The following COL4A4 variants were observed in gnomAD, a reference collection of about 807,000 sequenced individuals.
COL4A4 encodes collagen type IV alpha 4 chain, also known as collagen alpha-4(IV) chain.
Under a neutral mutation model 192.9 loss-of-function variants are expected in COL4A4, and 105 were observed. That is an observed-to-expected ratio of 0.54 (90% CI 0.46 to 0.64). The LOEUF is 0.64. Among genes scored for constraint, COL4A4 ranks in the 30% least tolerant of loss-of-function variants. The pLI, the probability that COL4A4 is intolerant of heterozygous loss-of-function variation, is 0.00. For synonymous variants in COL4A4, 762 were observed against 769.9 expected, an observed-to-expected ratio of 0.99 and a Z score of 0.17; for missense variants, 1,967 against 2,169.3, an observed-to-expected ratio of 0.91 and a Z score of 1.85.
intron 4 of COL4A4, among the ~76,000 whole-genome samples, chr2:227,129,954 T>G (rs1662141598): frequency 6.6e-6 from 1 of 152,190 alleles, no homozygotes; most frequent in Admixed American, 6.5e-5. Flanking sequence ...CCCTCCTTTT[T>G]AAGGCTTGAT....
chr2:227,112,823 A>G (rs1237747565), intron 8 of COL4A4, among the ~76,000 whole-genome samples: 1 of 152,158 alleles, frequency 6.6e-6, no homozygotes, highest in Non-Finnish European at 1.5e-5. Flanking sequence ...ATGATATTTG[A>G]CTGGTTTATT....
At chr2:227,022,305 T>C in intron 43 of COL4A4, 132 bp from the exon 44 acceptor site, 2 of 1,180,944 alleles carry the variant, frequency 1.7e-6, no homozygotes, top group Non-Finnish European at 2.5e-6. Flanking sequence ...AAATTCAGTA[T>C]AAATGTTTGT....
At position 227,056,044 on chromosome 2, in the gene COL4A4, C is replaced by T. The variant is rs929684384; in HGVS notation, c.2617G>A (p.Gly873Arg). The T allele has an allele frequency of 3.7e-6, 6 of 1,613,810 alleles. No individual in the cohort carries two copies. The highest frequency in any genetic ancestry group is 5.1e-6 in the Non-Finnish European group (6 of 1,179,956). Residue 873 changes from glycine to arginine, a missense_variant, in exon 30 of 48, where the codon GGA (glycine) becomes AGA (arginine). Coordinates refer to ENST00000396625, the MANE Select transcript of COL4A4 (RefSeq NM_000092.5). The part of the protein sequence containing the change: ...PGPAGMKGLP[G>R]LPGRPGAHGP... ...TGTGCCCCAGGCCGTCCTGGGAGTC[C>T]GGGGAGGCCTTTCATTCCAGCTGGC...
intron 2 of COL4A4, 101 bp from the exon 3 acceptor site, chr2:227,144,659 T>A: frequency 1.0e-6 from 1 of 960,050 alleles, no homozygotes; most frequent in South Asian, 1.4e-5. Flanking sequence ...CTACTTTTTA[T>A]TTCTATGAGG....
chr2:227,026,848 A>G (rs1386104441), intron 42 of COL4A4, among the ~76,000 whole-genome samples: 1 of 152,266 alleles, frequency 6.6e-6, no homozygotes, highest in Non-Finnish European at 1.5e-5. Context: ...TAAAACATCT[A>G]GGAAAATCAA....
At chr2:227,139,948 A>G (rs900026097) in intron 4 of COL4A4, among the ~76,000 whole-genome samples, 1 of 152,206 alleles carries the variant, frequency 6.6e-6, no homozygotes, top group Non-Finnish European at 1.5e-5. Flanking sequence ...ATATAAAACA[A>G]TGGGTGAATC....
chr2:226,976,008 C>G, the COL4A4 span, among the ~76,000 whole-genome samples: 3 of 151,756 alleles, frequency 2.0e-5, no homozygotes, highest in African/African-American at 7.3e-5. Flanking sequence ...TCTCCTGCCC[C>G]CATTAGCATA....
chr2:226,986,369 C>T, the COL4A4 span, among the ~76,000 whole-genome samples: 7 of 152,208 alleles, frequency 4.6e-5, no homozygotes, highest in South Asian at 8.3e-4. Flanking sequence ...TTCTTAGTTT[C>T]GACAAATGTA....
At chr2:227,015,422 G>C (rs570443957) in intron 44 of COL4A4, among the ~76,000 whole-genome samples, 3 of 149,216 alleles carry the variant, frequency 2.0e-5, no homozygotes, top group Non-Finnish European at 4.4e-5. Flanking sequence ...AATCAGGTCT[G>C]GGGGGGACCT....
intron 41 of COL4A4, 124 bp downstream of exon 41, chr2:227,030,319 G>T: frequency 9.3e-7 from 1 of 1,075,166 alleles, no homozygotes; most frequent in Non-Finnish European, 1.4e-6. Flanking sequence ...GGGGAAATAA[G>T]GACATTTTGG....
In COL4A4 at chr2:227,162,358, A is replaced by C. The variant is rs148846947; in HGVS notation, c.-102+1649T>G. Among the ~76,000 whole-genome samples the C allele has an allele frequency of 2.6e-3, 393 of 152,350 alleles. 1 individual carries two copies. Among genetic ancestry groups the C allele is most frequent in the African/African-American group, 9.0e-3 (373 of 41,586 alleles). On this transcript the variant is annotated intron_variant, in intron 1 of 47. Coordinates refer to ENST00000396625, the MANE Select transcript of COL4A4 (RefSeq NM_000092.5). ...AATCTTCTGGAATTTGGCAAAGAGA[A>C]GCATTTAACATTAGCATTGAGATTT...
chr2:227,118,823 G>A, intron 6 of COL4A4, 62 bp from the exon 7 acceptor site: 1 of 1,022,778 alleles, frequency 9.8e-7, no homozygotes, highest in South Asian at 1.3e-5. Flanking sequence ...TAAAGGTTAT[G>A]CAATATGAAT....
intron 25 of COL4A4, among the ~76,000 whole-genome samples, chr2:227,063,357 GTGCA>G (rs1186701275): frequency 2.0e-5 from 3 of 152,020 alleles, no homozygotes; most frequent in Non-Finnish European, 4.4e-5. Flanking sequence ...ATACCTCATA[GTGCA>G]TTTCTTTATA....
At chr2:226,986,018 T>C in the COL4A4 span, among the ~76,000 whole-genome samples, 2 of 152,254 alleles carry the variant, frequency 1.3e-5, no homozygotes, top group South Asian at 4.1e-4. Context: ...TGATAAGTCA[T>C]GTTGACAGCA....
chr2:226,990,028 A>G, the COL4A4 span, among the ~76,000 whole-genome samples: 665 of 152,352 alleles, frequency 4.4e-3, 6 homozygotes, highest in Middle Eastern at 0.017. Context: ...CCTTTCTCGT[A>G]AACCAAAACT....
chr2:227,107,272 G>A (rs2060903176), intron 12 of COL4A4, among the ~76,000 whole-genome samples: 1 of 152,152 alleles, frequency 6.6e-6, no homozygotes, highest in Non-Finnish European at 1.5e-5. Context: ...TGGAGGGACG[G>A]GATGCTACTG....
rs1281380678 is a variant in COL4A4, at chr2:227,010,248, A to C, written c.4522+65T>G. ...TAGTGATCATTTAAGGTGCTGATGAATCAGTAAAATTAACCCCAAATTTTA... is the reference window on the plus strand; with the variant it reads ...TAGTGATCATTTAAGGTGCTGATGACTCAGTAAAATTAACCCCAAATTTTA... On this transcript the variant is annotated intron_variant, in intron 46 of 47. Transcript: ENST00000396625. The C allele has an allele frequency of 3.3e-6, 5 of 1,523,104 alleles. No homozygotes were observed. The East Asian group carries it at 9.0e-5, about 27-fold the overall frequency. The allele number at this position is 1,523,104 out of a possible 1,614,324, so 94.3% of individuals were successfully genotyped here.
intron 37 of COL4A4, among the ~76,000 whole-genome samples, chr2:227,039,647 G>A (rs910080414): frequency 3.9e-5 from 6 of 152,086 alleles, no homozygotes; most frequent in African/African-American, 1.4e-4. Flanking sequence ...AACTGGGAGG[G>A]TAGGAAGAAG....
At chr2:227,091,261 GAT>G (rs2059907615) in intron 20 of COL4A4, among the ~76,000 whole-genome samples, 1 of 148,796 alleles carries the variant, frequency 6.7e-6, no homozygotes, top group Non-Finnish European at 1.5e-5. Flanking sequence ...TATAGATATA[GAT>G]ATAGATATAG....
Sources: gnomAD v4.1 joint callset for allele counts (sites outside exome capture counted in the v4.1 genomes callset) on GRCh38, gnomAD v4.1.1 for gene constraint, MANE v1.5 for transcripts, NCBI Gene and HGNC (gene_info 2026-07-23, HGNC 2026-07-21) for gene names.